RPS6KB1: variants seen among roughly 807,000 people sequenced by gnomAD.
The protein encoded by RPS6KB1 is ribosomal protein S6 kinase beta-1.
A neutral mutation model predicts 70.2 loss-of-function variants in RPS6KB1; 12 were observed. The ratio of observed to expected loss-of-function variants is 0.17; its 90% CI spans 0.11 to 0.28. The LOEUF is 0.28. Ranked by LOEUF, RPS6KB1 falls within the 10% of genes least tolerant of loss-of-function variation. The pLI, the probability that RPS6KB1 is intolerant of heterozygous loss-of-function variation, is 1.00. For synonymous variants in RPS6KB1, 175 were observed against 211.2 expected, an observed-to-expected ratio of 0.83 and a Z score of 1.49; for missense variants, 270 against 646.6, an observed-to-expected ratio of 0.42 and a Z score of 6.32.
At position 59,893,291 on chromosome 17, in the gene RPS6KB1, A is replaced by C; in HGVS notation, c.107A>C (p.Glu36Ala). 6.2e-7 allele frequency: 1 copy of C among 1,611,882 alleles called. No homozygotes were observed. The highest frequency in any genetic ancestry group is 1.7e-5 in the Admixed American group (1 of 59,664). ...TTTGACATAGACCTGGACCAGCCAGAGGACGCGGGCTCTGAGGATGAGCTG... is the reference window on the plus strand; with the variant it reads ...TTTGACATAGACCTGGACCAGCCAGCGGACGCGGGCTCTGAGGATGAGCTG... ...GVFDIDLDQP[E>A]DAGSEDELEE... Residue 36 changes from glutamate to alanine, a missense_variant, in exon 1 of 15, where the codon GAG (glutamate) becomes GCG (alanine). Physicochemically the swap from Glu to Ala is moderately radical, Grantham distance 107. This residue lies in a region of RPS6KB1 where 72 missense variants were observed against 93.4 expected (regional missense o/e 0.77). Transcript: ENST00000225577. The surrounding 1 kb of genome is among the most constrained non-coding windows in gnomAD (Gnocchi z 4.1).
intron 1 of RPS6KB1, among the ~76,000 whole-genome samples, chr17:59,894,810 G>A (rs2041428173): frequency 6.6e-6 from 1 of 151,666 alleles, no homozygotes. Flanking sequence ...TCACCATATT[G>A]GCCAGGCTGT....
intron 11 of RPS6KB1, 90 bp downstream of exon 11, chr17:59,936,367 G>C (rs545782470): frequency 6.6e-7 from 1 of 1,511,578 alleles, no homozygotes; most frequent in East Asian, 2.3e-5. Flanking sequence ...TATAAGTTTA[G>C]CTTATTTTGT....
chr17:59,901,490 C>T (rs1175359663), intron 1 of RPS6KB1, among the ~76,000 whole-genome samples: 1 of 150,712 alleles, frequency 6.6e-6, no homozygotes, highest in African/African-American at 2.4e-5. Flanking sequence ...TTTTTATCAC[C>T]CTATAAAGAA....
chr17:59,908,100 A>G (rs1266696912), intron 1 of RPS6KB1, among the ~76,000 whole-genome samples: 1 of 152,124 alleles, frequency 6.6e-6, no homozygotes, highest in Admixed American at 6.6e-5. Context: ...TACTCTGTGT[A>G]TTAAAAGCAC....
At chr17:59,910,500 A>G in intron 1 of RPS6KB1, 62 bp from the exon 2 acceptor site, 1 of 1,049,820 alleles carries the variant, frequency 9.5e-7, no homozygotes, top group Non-Finnish European at 1.4e-6. Context: ...TGAGACAAAG[A>G]ATTAAACCTT....
At chr17:59,915,775 CTTTTTTTTT>C (rs71370143) in intron 4 of RPS6KB1, among the ~76,000 whole-genome samples, 5 of 77,912 alleles carry the variant, frequency 6.4e-5, no homozygotes, top group African/African-American at 3.2e-4. Context: ...CTACTGCTAT[CTTTTTTTTT>C]TTTTTTTTTT....
At chr17:59,932,765 G>A (rs1598794776) in intron 7 of RPS6KB1, among the ~76,000 whole-genome samples, 1 of 152,074 alleles carries the variant, frequency 6.6e-6, no homozygotes, top group East Asian at 1.9e-4. Flanking sequence ...GTTGCCCAGG[G>A]TGGTCTCAAA....
chr17:59,904,453 G>C (rs945386522), intron 1 of RPS6KB1, among the ~76,000 whole-genome samples: 1 of 151,574 alleles, frequency 6.6e-6, no homozygotes, highest in Non-Finnish European at 1.5e-5. Context: ...GAGTGCAGTG[G>C]CGCCATCTCT....
chr17:59,922,099 G>A (rs959973387), intron 4 of RPS6KB1, among the ~76,000 whole-genome samples: 20 of 148,444 alleles, frequency 1.3e-4, no homozygotes, highest in Middle Eastern at 3.3e-3. Context: ...GGAGTGCAGT[G>A]GTGCAATTTT....
rs2044153400 is a variant in RPS6KB1 at position 59,935,114 on chromosome 17, ATAT to A, written c.871-74_871-72del. On this transcript the variant is annotated intron_variant, in intron 9 of 14. Coordinates refer to ENST00000225577, the MANE Select transcript of RPS6KB1 (RefSeq NM_003161.4). ...GTATAACTAATTTAGGAAATGGATA[ATAT>A]TATTCAAAATTTGTTTCTTATATGC... The A allele has an allele frequency of 1.6e-5, 13 of 788,352 alleles. No homozygotes were observed. The Admixed American group carries it at 3.2e-4, about 19-fold the overall frequency. 48.8% of individuals were successfully genotyped at this position (788,352 alleles called of 1,614,324 possible).
chr17:59,894,460 G>A (rs2041388292), intron 1 of RPS6KB1, among the ~76,000 whole-genome samples: 1 of 152,140 alleles, frequency 6.6e-6, no homozygotes, highest in African/African-American at 2.4e-5. Context: ...TAATTACACA[G>A]GGGCTTCCTT....
intron 1 of RPS6KB1, among the ~76,000 whole-genome samples, chr17:59,895,409 C>A (rs1474685067): frequency 6.7e-6 from 1 of 149,072 alleles, no homozygotes; most frequent in East Asian, 2.0e-4. Flanking sequence ...GCAGCCTCTG[C>A]CTCCCAGGTT....
Position 59,893,271 on chromosome 17 carries a change from C to T in RPS6KB1, c.87C>T (p.Asp29=), listed in dbSNP as rs1021100094. The part of the protein sequence containing the change: ...REAEDMAGVF[D]IDLDQPEDAG... ...CTGAGGACATGGCAGGAGTGTTTGA[C>T]ATAGACCTGGACCAGCCAGAGGACG... Residue 29 remains aspartate (D), a synonymous_variant, in exon 1 of 15, where the codon GAC becomes GAT. Transcript: ENST00000225577. This position sits in a 1 kb window ranked among gnomAD's most constrained non-coding sequence, Gnocchi z 4.1. The T allele has an allele frequency of 1.2e-5, 20 of 1,612,348 alleles. No individual in the cohort carries two copies. In the Admixed American group the frequency reaches 2.2e-4, roughly 18 times the overall value.
chr17:59,940,404 A>T (rs2044508947), intron 12 of RPS6KB1, among the ~76,000 whole-genome samples: 1 of 147,812 alleles, frequency 6.8e-6, no homozygotes, highest in East Asian at 2.0e-4. Flanking sequence ...CTCCTGCCTC[A>T]TCCTCCTGAG....
intron 1 of RPS6KB1, chr17:59,894,029 G>A: frequency 1.3e-6 from 1 of 768,466 alleles, no homozygotes; most frequent in Non-Finnish European, 1.6e-6. Flanking sequence ...AGTTGAAGAT[G>A]TCTGTATTTT....
At chr17:59,922,699 C>T (rs765328238) in intron 4 of RPS6KB1, among the ~76,000 whole-genome samples, 7 of 150,714 alleles carry the variant, frequency 4.6e-5, no homozygotes, top group African/African-American at 7.3e-5. Flanking sequence ...CGTGCGCCAT[C>T]GCGCCCAGCT....
At chr17:59,903,108 C>A (rs1200517837) in intron 1 of RPS6KB1, among the ~76,000 whole-genome samples, 1 of 151,910 alleles carries the variant, frequency 6.6e-6, no homozygotes, top group Admixed American at 6.6e-5. Flanking sequence ...GAGTTTAAGA[C>A]CAGTCTGGCC....
chr17:59,897,667 A>G (rs1408485914), intron 1 of RPS6KB1, among the ~76,000 whole-genome samples: 1 of 152,018 alleles, frequency 6.6e-6, no homozygotes, highest in African/African-American at 2.4e-5. Context: ...CACCTAACTT[A>G]AAAAAGATCC....
intron 3 of RPS6KB1, chr17:59,913,643 A>G (rs1375813828): frequency 6.6e-6 from 1 of 152,188 alleles, no homozygotes; most frequent in Non-Finnish European, 1.5e-5. Context: ...CTTATATAAA[A>G]TGGCATAGTA....
Sources: gnomAD v4.1 joint callset for allele counts (sites outside exome capture counted in the v4.1 genomes callset) on GRCh38, gnomAD v4.1.1 for gene constraint, gnomAD v4.1.1 regional missense constraint, Gnocchi (gnomAD v3.1) non-coding constraint, MANE v1.5 for transcripts, NCBI Gene and HGNC (gene_info 2026-07-23, HGNC 2026-07-21) for gene names.